ERC2: variants seen among roughly 807,000 people sequenced by gnomAD.
ERC2 encodes the protein ELKS/RAB6-interacting/CAST family member 2.
In ERC2, 42 loss-of-function variants were observed where a neutral mutation model predicts 114.8. That is an observed-to-expected ratio of 0.37 (90% CI 0.29 to 0.47). The LOEUF (loss-of-function observed/expected upper bound fraction) is 0.47. Among genes scored for constraint, ERC2 ranks in the 20% least tolerant of loss-of-function variants. The probability of loss-of-function intolerance (pLI) is 0.99; values close to 1 mark genes in which losing one functional copy is unlikely to be tolerated. For missense variants in ERC2, 939 were observed against 1,150.7 expected, an observed-to-expected ratio of 0.82 and a Z score of 2.66; for synonymous variants, 454 against 425.5, an observed-to-expected ratio of 1.07 and a Z score of -0.82.
At chr3:55,637,276 C>T (rs2059998090) in intron 17 of ERC2, among the ~76,000 whole-genome samples, 1 of 152,198 alleles carries the variant, frequency 6.6e-6, no homozygotes, top group African/African-American at 2.4e-5. Flanking sequence ...AATGTAATTC[C>T]TTCTCATTCT....
At chr3:56,069,014 G>A (rs929790419) in intron 7 of ERC2, among the ~76,000 whole-genome samples, 2 of 152,218 alleles carry the variant, frequency 1.3e-5, no homozygotes, top group African/African-American at 2.4e-5. Context: ...TATATATTCT[G>A]TTGTTTTGGG....
intron 15 of ERC2, among the ~76,000 whole-genome samples, chr3:55,733,072 G>GA (rs1284551299): frequency 1.3e-5 from 2 of 152,150 alleles, no homozygotes; most frequent in Non-Finnish European, 2.9e-5. Context: ...CACCACAAGT[G>GA]CATGGTATAT....
Position 55,748,568 on chromosome 3 carries a change from C to A in ERC2, c.2565-13650G>T, listed in dbSNP as rs543498270. 3.3e-3 allele frequency among the ~76,000 whole-genome samples: 510 copies of A among 152,314 alleles called. 2 individuals are homozygous for A. The highest frequency in any genetic ancestry group is 5.0e-3 in the Non-Finnish European group (343 of 68,030). On this transcript the variant is annotated intron_variant, in intron 14 of 17. Transcript: ENST00000288221. ...GACACAAAGAAACACCCTTCTATTA[C>A]CATCATGAGCAAATGCTGGATCATC... is the stretch of plus-strand genomic sequence containing the variant.
At chr3:56,125,725 C>T (rs573101011) in intron 6 of ERC2, among the ~76,000 whole-genome samples, 9 of 152,260 alleles carry the variant, frequency 5.9e-5, no homozygotes, top group Non-Finnish European at 1.0e-4. Context: ...ATGACTCTTT[C>T]CTTCTGAAAG....
At chr3:56,217,903 T>A (rs2049603225) in intron 3 of ERC2, among the ~76,000 whole-genome samples, 1 of 152,044 alleles carries the variant, frequency 6.6e-6, no homozygotes, top group African/African-American at 2.4e-5. Context: ...ATTCCCTATT[T>A]AATAAATGGT....
chr3:55,909,192 C>A (rs1383618912), intron 13 of ERC2, among the ~76,000 whole-genome samples: 1 of 152,194 alleles, frequency 6.6e-6, no homozygotes, highest in Non-Finnish European at 1.5e-5. Context: ...CCTCTAGATC[C>A]TTTCATATCC....
chr3:55,662,761 T>C (rs866261890), intron 17 of ERC2, among the ~76,000 whole-genome samples: 2 of 152,330 alleles, frequency 1.3e-5, no homozygotes, highest in South Asian at 2.1e-4. Context: ...ATAGGTTATC[T>C]ATCAATGGGA....
At chr3:56,396,706 G>T (rs1293069308) in intron 2 of ERC2, among the ~76,000 whole-genome samples, 1 of 151,776 alleles carries the variant, frequency 6.6e-6, no homozygotes, top group Non-Finnish European at 1.5e-5. Flanking sequence ...TTTTGTTTTT[G>T]TTTTTACAAA....
At chr3:55,742,703 G>T (rs941228933) in intron 14 of ERC2, among the ~76,000 whole-genome samples, 1 of 152,140 alleles carries the variant, frequency 6.6e-6, no homozygotes, top group Admixed American at 6.5e-5. Context: ...TCAGTAGGAG[G>T]TGACTTCAGA....
chr3:55,918,764 T>G (rs766743975), intron 13 of ERC2, among the ~76,000 whole-genome samples: 1 of 150,864 alleles, frequency 6.6e-6, no homozygotes, highest in Non-Finnish European at 1.5e-5. Flanking sequence ...ACCAGATATG[T>G]AAGTGGGGCC....
intron 3 of ERC2, among the ~76,000 whole-genome samples, chr3:56,274,477 A>G (rs2053862546): frequency 6.6e-6 from 1 of 150,864 alleles, no homozygotes; most frequent in African/African-American, 2.4e-5. Context: ...ATGGGTTCAA[A>G]TCCAGGGAAA....
chr3:56,402,122 G>T (rs1310415886), intron 2 of ERC2, among the ~76,000 whole-genome samples: 1 of 152,174 alleles, frequency 6.6e-6, no homozygotes, highest in African/African-American at 2.4e-5. Context: ...ACCTGGACCA[G>T]CCCTTGATAC....
chr3:56,107,262 C>CT (rs78417349), intron 6 of ERC2, among the ~76,000 whole-genome samples: 2,808 of 140,856 alleles, frequency 0.02, 33 homozygotes, highest in African/African-American at 0.041. Flanking sequence ...ATTAAATCCA[C>CT]TTTTTTTTTT....
chr3:55,640,774 T>C (rs1179236916), intron 17 of ERC2, among the ~76,000 whole-genome samples: 1 of 152,160 alleles, frequency 6.6e-6, no homozygotes, highest in East Asian at 1.9e-4. Flanking sequence ...CAACAGTCCC[T>C]GCAGGTCTTC....
chr3:56,067,943 A>G (rs576276346), intron 7 of ERC2, among the ~76,000 whole-genome samples: 1 of 152,174 alleles, frequency 6.6e-6, no homozygotes, highest in Non-Finnish European at 1.5e-5. Flanking sequence ...TCAGTTTGCC[A>G]GTATATTATT....
chr3:55,527,572 G>C (rs2053410111), intron 17 of ERC2, among the ~76,000 whole-genome samples: 1 of 152,244 alleles, frequency 6.6e-6, no homozygotes, highest in South Asian at 2.1e-4. Flanking sequence ...CTCCACTTCT[G>C]ATAAGAGAAT....
At chr3:56,124,137 A>G (rs1032096161) in intron 6 of ERC2, among the ~76,000 whole-genome samples, 1 of 152,220 alleles carries the variant, frequency 6.6e-6, no homozygotes, top group Non-Finnish European at 1.5e-5. Flanking sequence ...TAAATGTGAT[A>G]TGCTGCTATT....
chr3:56,436,309 C>T (rs1324591368), intron 1 of ERC2, among the ~76,000 whole-genome samples: 2 of 152,130 alleles, frequency 1.3e-5, no homozygotes, highest in African/African-American at 4.8e-5. Context: ...CCATCTAACT[C>T]ATAGTATTGT....
intron 13 of ERC2, among the ~76,000 whole-genome samples, chr3:55,891,419 G>C (rs547779016): frequency 6.7e-6 from 1 of 149,758 alleles, no homozygotes; most frequent in Non-Finnish European, 1.5e-5. Flanking sequence ...TATCTTCACT[G>C]GTGAACTGTC....
Sources: allele counts gnomAD v4.1 joint callset (sites outside exome capture counted in the v4.1 genomes callset), GRCh38; gene constraint gnomAD v4.1.1; transcripts MANE v1.5; gene names NCBI Gene and HGNC (gene_info 2026-07-23, HGNC 2026-07-21).